The following CLCN5 variants were observed in gnomAD, a reference collection of about 807,000 sequenced individuals.
CLCN5 encodes the protein Cl-/H+ antiporter 5.
CLCN5 carries 17 observed loss-of-function variants against 54.0 expected under a neutral mutation model. The observed-to-expected ratio is 0.31, with a 90% confidence interval of 0.22 to 0.47. The LOEUF is 0.47. Among genes scored for constraint, CLCN5 ranks in the 20% least tolerant of loss-of-function variants. The pLI, the probability that CLCN5 is intolerant of heterozygous loss-of-function variation, is 1.00. For missense variants in CLCN5, 448 were observed against 646.7 expected (o/e 0.69, Z 3.33); for synonymous variants, 222 against 233.0 (o/e 0.95, Z 0.43).
intron 4 of CLCN5, chrX:50,054,291 G>C (rs1019515241): frequency 1.8e-4 from 20 of 111,505 alleles, no homozygotes; most frequent in African/African-American, 5.9e-4. Context: ...CTTTAGGTGA[G>C]ATAAGAAGGC....
At chrX:50,066,649 C>T (rs1933034495) in intron 4 of CLCN5, among the ~76,000 whole-genome samples, 1 of 111,741 alleles carries the variant, frequency 8.9e-6, no homozygotes, top group African/African-American at 3.3e-5. Flanking sequence ...TTAAGACCTG[C>T]TTTAAAATAG....
chrX:50,040,715 C>T (rs782127859), intron 3 of CLCN5, among the ~76,000 whole-genome samples: 1 of 111,629 alleles, frequency 9.0e-6, no homozygotes, highest in African/African-American at 3.3e-5. Flanking sequence ...TCAATCATCA[C>T]CTTGATGTTG....
chrX:49,986,643 TTGTA>T (rs1402336782), intron 3 of CLCN5, among the ~76,000 whole-genome samples: 2 of 112,088 alleles, frequency 1.8e-5, no homozygotes, highest in Admixed American at 9.5e-5. Context: ...AGAGTTTCCT[TTGTA>T]TGTATGGCTT....
At chrX:50,064,253 A>G (rs1470895243) in intron 4 of CLCN5, among the ~76,000 whole-genome samples, 4 of 110,933 alleles carry the variant, frequency 3.6e-5, no homozygotes, top group Admixed American at 1.9e-4. Flanking sequence ...TTGTATATCT[A>G]TAAAACCCCG....
chrX:49,923,299 G>A (rs188531361), intron 1 of CLCN5, 108 bp from the exon 2 acceptor site: 60 of 113,262 alleles, frequency 5.3e-4, no homozygotes, highest in African/African-American at 1.7e-3. Flanking sequence ...CTTAACGCGC[G>A]TAGCTGGTTC....
At chrX:49,977,029 C>T (rs1292529690) in intron 3 of CLCN5, among the ~76,000 whole-genome samples, 1 of 111,580 alleles carries the variant, frequency 9.0e-6, no homozygotes, top group Non-Finnish European at 1.9e-5. Flanking sequence ...TCTCTTTTAG[C>T]GGAATAAGCT....
chrX:50,032,867 G>A lies in CLCN5; in HGVS notation c.17-9449G>A, dbSNP rs1383127654. Reference sequence around the variant, plus strand: ...TTATGGTTTTAGGTCTAACGTTTAAGTCTTTAATCCATCTTGAATTAATTT... The same window carrying A: ...TTATGGTTTTAGGTCTAACGTTTAAATCTTTAATCCATCTTGAATTAATTT... On this transcript the variant is annotated intron_variant, in intron 3 of 14. Transcript: ENST00000376091. Among the ~76,000 whole-genome samples, 6 of 110,560 alleles carry A rather than the reference G, an allele frequency of 5.4e-5. No individual in the cohort carries two copies. In the East Asian group the frequency reaches 1.1e-3, roughly 21 times the overall value.
intron 3 of CLCN5, among the ~76,000 whole-genome samples, chrX:50,033,832 T>A (rs1227124174): frequency 9.0e-6 from 1 of 111,513 alleles, no homozygotes; most frequent in Non-Finnish European, 1.9e-5. Context: ...TCTTTAAGGG[T>A]CCTCAGTAAT....
At chrX:49,989,259 G>T (rs1929139373) in intron 3 of CLCN5, among the ~76,000 whole-genome samples, 1 of 109,970 alleles carries the variant, frequency 9.1e-6, no homozygotes, top group South Asian at 3.9e-4. Context: ...AAACATGTTC[G>T]TAGGGACGGG....
chrX:49,928,734 G>A (rs111414952), intron 3 of CLCN5, among the ~76,000 whole-genome samples: 1,618 of 111,542 alleles, frequency 0.015, 30 homozygotes, highest in African/African-American at 0.049. Context: ...GACCATCCTG[G>A]CTAACACGGT....
intron 3 of CLCN5, among the ~76,000 whole-genome samples, chrX:49,954,188 A>G (rs1927197406): frequency 9.0e-6 from 1 of 111,374 alleles, no homozygotes. Context: ...CTCACCACAG[A>G]GCAAGGAATT....
In CLCN5 at chrX:49,925,162, C is replaced by A. The variant is rs1925278666; in HGVS notation, c.-128-9C>A. 1.1e-5 allele frequency: 7 copies of A among 643,213 alleles called. No homozygotes were observed. Among genetic ancestry groups the A allele is most frequent in the Non-Finnish European group, 1.8e-5 (7 of 394,893 alleles). The allele number at this position is 643,213 out of a possible 1,213,427, so 53.0% of individuals were successfully genotyped here. A position where few individuals can be genotyped will look rare whatever the true frequency, so the allele number is the denominator to read the frequency against. ...TTTTAGGTATTCATTTTTCTGTTTA[C>A]ATTTTCAGGTTTGGGGCTTTAGCCC... On this transcript the variant is annotated splice_polypyrimidine_tract_variant and intron_variant, in intron 2 of 14. Transcript: ENST00000376091.
In CLCN5 at chrX:49,951,946, A is replaced by T. The variant is rs548230300; in HGVS notation, c.16+26632A>T. Among the ~76,000 whole-genome samples, 29 of 112,355 alleles carry T rather than the reference A, an allele frequency of 2.6e-4. 1 individual carries two copies. The South Asian group carries it at 0.01, about 40-fold the overall frequency. ...TTTCCAATCATAGAATACACTGCTTATCTAAGTCTTTTGGTTTCTGACATC... is the reference window on the plus strand; with the variant it reads ...TTTCCAATCATAGAATACACTGCTTTTCTAAGTCTTTTGGTTTCTGACATC... On this transcript the variant is annotated intron_variant, in intron 3 of 14. Coordinates refer to ENST00000376091, the MANE Select transcript of CLCN5 (RefSeq NM_001127898.4).
chrX:50,052,596 AGAGATTGGGGAAAATT>A (rs1437993485), intron 4 of CLCN5, among the ~76,000 whole-genome samples: 1 of 111,397 alleles, frequency 9.0e-6, no homozygotes, highest in Admixed American at 9.6e-5. Context: ...GTTTTCTGGA[AGAGATTGGGGAAAATT>A]GGTATAATTT....
intron 4 of CLCN5, among the ~76,000 whole-genome samples, chrX:50,062,691 T>A (rs1361594623): frequency 1.0e-5 from 1 of 99,261 alleles, no homozygotes; most frequent in Non-Finnish European, 1.9e-5. Flanking sequence ...CCACCCCAAA[T>A]CAACAGAATA....
chrX:50,058,964 GT>G (rs782464109), intron 4 of CLCN5, among the ~76,000 whole-genome samples: 7 of 111,264 alleles, frequency 6.3e-5, no homozygotes, highest in Non-Finnish European at 1.3e-4. Context: ...TTAATGCATT[GT>G]TTTTTTGAAA....
In CLCN5 at chrX:49,922,629, GCGCC is replaced by G. The variant is rs1319142115; in HGVS notation, c.-364_-361del. Reference sequence around the variant, plus strand: ...CGAGGCGCCCTGTCACATGAGCCGCGCGCCCGCTTCGCTCCCCCTCCTCCCCGGC... The same window carrying G: ...CGAGGCGCCCTGTCACATGAGCCGCGCGCTTCGCTCCCCCTCCTCCCCGGC... On this transcript the variant is annotated 5_prime_UTR_variant, in exon 1 of 15. The change abolishes the stop of an existing upstream ORF in the 5' untranslated region. Coordinates refer to ENST00000376091, the MANE Select transcript of CLCN5 (RefSeq NM_001127898.4). The G allele has an allele frequency of 8.9e-6, 1 of 112,856 alleles. No homozygotes were observed. The highest frequency in any genetic ancestry group is 1.9e-5 in the Non-Finnish European group (1 of 53,290). The allele number at this position is 112,856 out of a possible 1,213,427, so 9.3% of individuals were successfully genotyped here. A position where few individuals can be genotyped will look rare whatever the true frequency, so the allele number is the denominator to read the frequency against.
intron 4 of CLCN5, among the ~76,000 whole-genome samples, chrX:50,043,733 CT>C (rs1177939118): frequency 9.0e-6 from 1 of 111,162 alleles, no homozygotes; most frequent in East Asian, 2.8e-4. Flanking sequence ...TCTCTTTTAA[CT>C]TTTTTTTAAA....
In CLCN5 at chrX:50,046,367, C is replaced by G. The variant is rs905757101; in HGVS notation, c.163+3905C>G. ...TAATGCTCTTCGATTCCCCTTTTTT[C>G]CTCACCTCCCTGTCTTTCTACCTAG... On this transcript the variant is annotated intron_variant, in intron 4 of 14. Coordinates refer to ENST00000376091, the MANE Select transcript of CLCN5 (RefSeq NM_001127898.4). Among the ~76,000 whole-genome samples, 3 of 111,926 alleles carry G rather than the reference C, an allele frequency of 2.7e-5. No homozygotes were observed. In the Admixed American group the frequency reaches 2.8e-4, roughly 11 times the overall value.
Sources: gnomAD v4.1 joint callset for allele counts (sites outside exome capture counted in the v4.1 genomes callset) on GRCh38, gnomAD v4.1.1 for gene constraint, MANE v1.5 for transcripts, NCBI Gene and HGNC (gene_info 2026-07-23, HGNC 2026-07-21) for gene names.